XKRX: variants seen among roughly 807,000 people sequenced by gnomAD.
XKRX encodes the protein XK related X-linked.
In XKRX, 11 loss-of-function variants were observed where a neutral mutation model predicts 22.4. The ratio of observed to expected loss-of-function variants is 0.49; its 90% CI spans 0.31 to 0.81. XKRX has a LOEUF of 0.81. Among genes scored for constraint, XKRX ranks in the 40% least tolerant of loss-of-function variants. XKRX has a pLI of 0.05. For missense variants in XKRX, 320 were observed against 336.5 expected (o/e 0.95, Z 0.38); for synonymous variants, 114 against 132.2 (o/e 0.86, Z 0.94).
rs2085505020 is a variant in XKRX, at chrX:100,927,960, AGTTGCTCACCTGATAACAG to A, written c.326_335+9del. ...TAGGGGGGTAAGGAAAAGATTTAAA[AGTTGCTCACCTGATAACAG>A]GTCCCAAGAGGATTAGATGCATAAA... On this transcript the variant is annotated splice_donor_variant and splice_donor_5th_base_variant and coding_sequence_variant and intron_variant, in exon 1 of 3. Transcript: ENST00000372956. LOFTEE classifies it high-confidence loss of function. 1 of 1,171,452 alleles carries A rather than the reference AGTTGCTCACCTGATAACAG, an allele frequency of 8.5e-7. No individual in the cohort carries two copies.
chrX:100,901,290 G>A, the XKRX span, among the ~76,000 whole-genome samples: 1 of 111,885 alleles, frequency 8.9e-6, no homozygotes, highest in African/African-American at 3.2e-5. Flanking sequence ...TACATTTAAA[G>A]AATTAGGTTA....
chrX:100,897,640 T>TGTG, the XKRX span, among the ~76,000 whole-genome samples: 8 of 88,110 alleles, frequency 9.1e-5, no homozygotes, highest in Admixed American at 2.6e-4. Context: ...TGTGTGTGTG[T>TGTG]TTCCTAGTTC....
At chrX:100,899,952 T>C in the XKRX span, among the ~76,000 whole-genome samples, 1 of 112,262 alleles carries the variant, frequency 8.9e-6, no homozygotes, top group Admixed American at 9.5e-5. Context: ...ATGCAATCCC[T>C]ATCAAAATCT....
chrX:100,892,464 G>A, the XKRX span, among the ~76,000 whole-genome samples: 3,207 of 110,431 alleles, frequency 0.029, 109 homozygotes, highest in African/African-American at 0.1. Context: ...GAAAATTAAA[G>A]CTAAAAAAAA....
intron 2 of XKRX, among the ~76,000 whole-genome samples, chrX:100,918,121 G>A (rs187352101): frequency 1.8e-5 from 2 of 112,271 alleles, no homozygotes; most frequent in East Asian, 2.8e-4. Flanking sequence ...AGGAAAGCTG[G>A]AGTTTTCTGT....
chrX:100,943,254 T>C, the XKRX span, among the ~76,000 whole-genome samples: 8 of 112,377 alleles, frequency 7.1e-5, no homozygotes, highest in African/African-American at 2.6e-4. Flanking sequence ...TCTATGCATG[T>C]ACCACAAATA....
At chrX:100,910,351 C>T (rs924858852), downstream of XKRX, among the ~76,000 whole-genome samples, 2 of 110,344 alleles carry the variant, frequency 1.8e-5, no homozygotes, top group African/African-American at 6.6e-5. Flanking sequence ...TTTGGGAGGC[C>T]GAGGCAGGTG....
the XKRX span, among the ~76,000 whole-genome samples, chrX:100,954,953 C>T: frequency 9.0e-6 from 1 of 111,138 alleles, no homozygotes; most frequent in African/African-American, 3.3e-5. Flanking sequence ...GTTTGGGGCA[C>T]GGGGGGAGTG....
chrX:100,931,951 G>A (rs1377287532), upstream of XKRX, among the ~76,000 whole-genome samples: 1 of 111,689 alleles, frequency 9.0e-6, no homozygotes, highest in African/African-American at 3.3e-5. Context: ...ATACCAGAGT[G>A]TAGCACCAAA....
chrX:100,922,035 A>G (rs1173089457), intron 2 of XKRX, among the ~76,000 whole-genome samples: 12 of 108,151 alleles, frequency 1.1e-4, no homozygotes, highest in Non-Finnish European at 2.3e-4. Flanking sequence ...GGTTTTCATC[A>G]TGTTAGCCAG....
chrX:100,888,604 AAG>A, the XKRX span: 55 of 443,503 alleles, frequency 1.2e-4, no homozygotes, highest in African/African-American at 1.3e-3. Context: ...CGGAAGGGAG[AAG>A]AGAGACTTTA....
intron 2 of XKRX, among the ~76,000 whole-genome samples, chrX:100,921,896 C>T (rs1048826395): frequency 5.2e-5 from 5 of 96,205 alleles, no homozygotes; most frequent in African/African-American, 2.0e-4. Context: ...TGCAGTGACG[C>T]GATCTCGGCT....
At chrX:100,931,211 G>A (rs1159512713), upstream of XKRX, among the ~76,000 whole-genome samples, 16 of 108,825 alleles carry the variant, frequency 1.5e-4, no homozygotes, top group African/African-American at 4.4e-4. Flanking sequence ...GAATCCCAAC[G>A]TTTACCTTTT....
chrX:100,930,540 G>A (rs1026675452), upstream of XKRX, among the ~76,000 whole-genome samples: 2 of 110,851 alleles, frequency 1.8e-5, no homozygotes, highest in Non-Finnish European at 3.8e-5. Context: ...TCTAAAGGTT[G>A]TCACCTTCTG....
At chrX:100,932,093 G>C (rs1400979976), upstream of XKRX, among the ~76,000 whole-genome samples, 3 of 111,383 alleles carry the variant, frequency 2.7e-5, no homozygotes, top group Admixed American at 9.6e-5. Flanking sequence ...CCTGTCATCT[G>C]ATCACCCTCA....
At chrX:100,939,879 A>G in the XKRX span, among the ~76,000 whole-genome samples, 33 of 112,449 alleles carry the variant, frequency 2.9e-4, no homozygotes, top group African/African-American at 1.0e-3. Context: ...ACAGATTAAC[A>G]CAATCAGTGG....
At chrX:100,945,973 T>C in the XKRX span, among the ~76,000 whole-genome samples, 1 of 110,186 alleles carries the variant, frequency 9.1e-6, no homozygotes, top group Non-Finnish European at 1.9e-5. Flanking sequence ...TCACCTGAGG[T>C]CAGGAGTTCG....
downstream of XKRX, chrX:100,910,903 C>G: frequency 1.6e-6 from 1 of 615,382 alleles, no homozygotes; most frequent in Non-Finnish European, 2.7e-6. Flanking sequence ...AAAAGACTAT[C>G]AAGATGCATG....
At chrX:100,953,905 A>T in the XKRX span, among the ~76,000 whole-genome samples, 2 of 6,536 alleles carry the variant, frequency 3.1e-4, no homozygotes, top group Non-Finnish European at 5.6e-4. Flanking sequence ...TGAGACTCTA[A>T]AAAAAAAAAA....
Sources: gnomAD v4.1 joint callset for allele counts (sites outside exome capture counted in the v4.1 genomes callset) on GRCh38, gnomAD v4.1.1 for gene constraint, MANE v1.5 for transcripts, NCBI Gene and HGNC (gene_info 2026-07-23, HGNC 2026-07-21) for gene names.